The following PHLPP2 variants were observed in gnomAD, a reference collection of about 807,000 sequenced individuals.
The protein encoded by PHLPP2 is PH domain leucine-rich repeat-containing protein phosphatase 2.
A neutral mutation model predicts 124.9 loss-of-function variants in PHLPP2; 66 were observed. That is an observed-to-expected ratio of 0.53 (90% CI 0.43 to 0.65). PHLPP2 has a LOEUF of 0.65. Ranked by LOEUF, PHLPP2 falls within the 30% of genes least tolerant of loss-of-function variation. The probability of loss-of-function intolerance (pLI) is 0.00; values close to 1 mark genes in which losing one functional copy is unlikely to be tolerated. For synonymous variants in PHLPP2, 681 were observed against 624.7 expected (o/e 1.09, Z -1.34); for missense variants, 1,685 against 1,600.4 (o/e 1.05, Z -0.90).
chr16:71,699,286 C>T (rs2045205539), intron 3 of PHLPP2, among the ~76,000 whole-genome samples: 1 of 152,134 alleles, frequency 6.6e-6, no homozygotes, highest in East Asian at 1.9e-4. Flanking sequence ...TGTTTGTCTG[C>T]TCTCTCCTGA....
rs948665439 is a variant in PHLPP2 at position 71,646,847 on chromosome 16, T to C, written c.*2043A>G. 1.1e-4 allele frequency: 17 copies of C among 152,192 alleles called. No homozygotes were observed. Among genetic ancestry groups the C allele is most frequent in the African/African-American group, 3.9e-4 (16 of 41,438 alleles). 9.4% of individuals were successfully genotyped at this position (152,192 alleles called of 1,614,324 possible). A position where few individuals can be genotyped will look rare whatever the true frequency, so the allele number is the denominator to read the frequency against. On this transcript the variant is annotated 3_prime_UTR_variant, in exon 19 of 19. Transcript: ENST00000568954. ...TCTAAAATTCTCAATAGCTGACCAG[T>C]AGTTTGACAATCTGGGGACTCAAGT...
intron 3 of PHLPP2, among the ~76,000 whole-genome samples, chr16:71,692,562 G>A (rs2045125550): frequency 6.6e-6 from 1 of 152,080 alleles, no homozygotes; most frequent in East Asian, 1.9e-4. Context: ...ACACTATACA[G>A]GATAAGCATT....
intron 5 of PHLPP2, among the ~76,000 whole-genome samples, chr16:71,683,992 A>C (rs1490708147): frequency 6.6e-6 from 1 of 151,782 alleles, no homozygotes; most frequent in East Asian, 1.9e-4. Context: ...GGGTTTCTCC[A>C]TGTTGGTCAG....
Position 71,676,753 on chromosome 16 carries a change from T to G in PHLPP2, c.1269-104A>C, listed in dbSNP as rs892172819. On this transcript the variant is annotated intron_variant, in intron 8 of 18. Transcript: ENST00000568954. Reference sequence around the variant, plus strand: ...GACAGGTATGATCCCTTTCTCTGTTTACTTTTTTTTTTTGAGATGGAGTTT... The same window carrying G: ...GACAGGTATGATCCCTTTCTCTGTTGACTTTTTTTTTTTGAGATGGAGTTT... 7 of 854,398 alleles carry G rather than the reference T, an allele frequency of 8.2e-6. No homozygotes were observed. The Admixed American group carries it at 1.5e-4, about 18-fold the overall frequency. The allele number at this position is 854,398 out of a possible 1,614,324, so 52.9% of individuals were successfully genotyped here.
At chr16:71,705,803 C>T (rs547786605) in intron 2 of PHLPP2, among the ~76,000 whole-genome samples, 1 of 152,226 alleles carries the variant, frequency 6.6e-6, no homozygotes. Flanking sequence ...AGCCACCACA[C>T]CCAGACCTCC....
chr16:71,648,188 A>C lies in PHLPP2; in HGVS notation c.*702T>G, dbSNP rs1300300376. The stretch of plus-strand genomic sequence containing the variant: ...TTCTCTGTCACAGAGATCCATCAGC[A>C]GCAACTAGTAAAGAGAATCAATCTT... On this transcript the variant is annotated 3_prime_UTR_variant, in exon 19 of 19. Transcript: ENST00000568954. The C allele has an allele frequency of 1.3e-5, 2 of 152,732 alleles. No homozygotes were observed. The highest frequency in any genetic ancestry group is 4.8e-5 in the African/African-American group (2 of 41,456). The allele number at this position is 152,732 out of a possible 1,614,324, so 9.5% of individuals were successfully genotyped here. A position where few individuals can be genotyped will look rare whatever the true frequency, so the allele number is the denominator to read the frequency against.
At chr16:71,711,547 C>G (rs756516838) in intron 2 of PHLPP2, among the ~76,000 whole-genome samples, 2 of 152,122 alleles carry the variant, frequency 1.3e-5, no homozygotes, top group Non-Finnish European at 2.9e-5. Context: ...ACTTAGTAGC[C>G]GATTGCACTT....
chr16:71,674,465 T>C (rs1211080195), intron 9 of PHLPP2, among the ~76,000 whole-genome samples: 1 of 152,004 alleles, frequency 6.6e-6, no homozygotes, highest in Non-Finnish European at 1.5e-5. Context: ...ATCACTCTCA[T>C]GTATTCTTTC....
At chr16:71,715,361 C>T (rs2045355559) in intron 1 of PHLPP2, 1 of 151,270 alleles carries the variant, frequency 6.6e-6, no homozygotes, top group East Asian at 2.0e-4. Flanking sequence ...AGAGCGAGAC[C>T]TTGTCTCTCA....
chr16:71,661,632 G>T (rs1313581253), intron 13 of PHLPP2, among the ~76,000 whole-genome samples: 2 of 151,808 alleles, frequency 1.3e-5, no homozygotes, highest in Non-Finnish European at 2.9e-5. Flanking sequence ...ATTCATTTTA[G>T]AAGTCATTAA....
At chr16:71,689,001 A>G (rs1322631648) in intron 4 of PHLPP2, among the ~76,000 whole-genome samples, 1 of 152,188 alleles carries the variant, frequency 6.6e-6, no homozygotes, top group Non-Finnish European at 1.5e-5. Context: ...GCTTTCTTGC[A>G]GAAACAAAAG....
chr16:71,669,613 C>G (rs1463507583), intron 10 of PHLPP2, among the ~76,000 whole-genome samples: 1 of 152,042 alleles, frequency 6.6e-6, no homozygotes, highest in African/African-American at 2.4e-5. Flanking sequence ...GTTGCATGCT[C>G]AAAGAAGATA....
Position 71,649,955 on chromosome 16 carries a change from A to G in PHLPP2, c.2907T>C (p.Ser969=). Residue 969 remains serine, a synonymous_variant, in exon 19 of 19, where the codon TCT becomes TCC. Coordinates refer to ENST00000568954, the MANE Select transcript of PHLPP2 (RefSeq NM_015020.3). The part of the protein sequence containing the change: ...YPWILPKPHI[S]STPLTIQDEL... ...CATCTTGAATGGTCAGCGGAGTGGA[A>G]GATATGTGGGGCTTGGGGAGGATCC... is the stretch of plus-strand genomic sequence containing the variant. The G allele has an allele frequency of 6.2e-7, 1 of 1,614,122 alleles. No homozygotes were observed. Among genetic ancestry groups the G allele is most frequent in the East Asian group, 2.2e-5 (1 of 44,884 alleles).
chr16:71,655,981 G>T (rs957196197), intron 16 of PHLPP2, among the ~76,000 whole-genome samples: 21 of 152,132 alleles, frequency 1.4e-4, no homozygotes, highest in South Asian at 2.1e-4. Context: ...GCCAAAGGCT[G>T]GTAAGATAAA....
intron 6 of PHLPP2, among the ~76,000 whole-genome samples, chr16:71,680,239 TAGAC>T (rs532345225): frequency 2.6e-4 from 40 of 152,342 alleles, no homozygotes; most frequent in African/African-American, 7.0e-4. Context: ...AATCAACTCA[TAGAC>T]AGAGCAATAG....
At chr16:71,656,119 T>C (rs1048808620) in intron 16 of PHLPP2, among the ~76,000 whole-genome samples, 7 of 152,132 alleles carry the variant, frequency 4.6e-5, no homozygotes, top group Admixed American at 4.6e-4. Context: ...GTGCACCCCA[T>C]GGAACCCCGG....
At chr16:71,672,411 AC>A in intron 9 of PHLPP2, 89 bp from the exon 10 acceptor site, 1 of 932,714 alleles carries the variant, frequency 1.1e-6, no homozygotes, top group East Asian at 2.5e-5. Flanking sequence ...TAGTGAAATC[AC>A]CAGAGAGAAA....
At chr16:71,690,387 C>T (rs1490439217) in intron 4 of PHLPP2, 132 bp downstream of exon 4, 1 of 673,662 alleles carries the variant, frequency 1.5e-6, no homozygotes, top group Non-Finnish European at 2.6e-6. Context: ...GAAACAGTCT[C>T]TGATATAATC....
At position 71,679,454 on chromosome 16, in the gene PHLPP2, C is replaced by T; in HGVS notation, c.972G>A (p.Leu324=). 7.4e-6 allele frequency: 12 copies of T among 1,613,698 alleles called. No individual in the cohort carries two copies. The highest frequency in any genetic ancestry group is 1.0e-5 in the Non-Finnish European group (12 of 1,179,666). ...CATTACAGGAAAGGTTGAGCTCAGT[C>T]AGGGTAGAGATCTCGCATAACAATA... ...FPILLCEIST[L]TELNLSCNGF... Residue 324 remains leucine (L), a synonymous_variant, in exon 7 of 19, where the codon CTG becomes CTA. Coordinates refer to ENST00000568954, the MANE Select transcript of PHLPP2 (RefSeq NM_015020.3).
Sources: allele counts gnomAD v4.1 joint callset (sites outside exome capture counted in the v4.1 genomes callset), GRCh38; gene constraint gnomAD v4.1.1; transcripts MANE v1.5; gene names NCBI Gene and HGNC (gene_info 2026-07-23, HGNC 2026-07-21).